Variants in TSPAN13 observed in about 807,000 individuals in gnomAD.
TSPAN13 encodes the protein tetraspanin 13, also known as tetraspanin-13.
Under a neutral mutation model 26.9 loss-of-function variants are expected in TSPAN13, and 18 were observed. The ratio of observed to expected loss-of-function variants is 0.67; its 90% CI spans 0.46 to 0.99. The LOEUF is 0.99. TSPAN13 is among the 50% of genes least tolerant of loss of function. TSPAN13 has a pLI of 0.00. For missense variants in TSPAN13, 201 were observed against 249.6 expected (o/e 0.81, Z 1.31); for synonymous variants, 116 against 98.4 (o/e 1.18, Z -1.06).
intron 1 of TSPAN13, among the ~76,000 whole-genome samples, chr7:16,761,123 C>T (rs1045440448): frequency 6.6e-6 from 1 of 152,172 alleles, no homozygotes; most frequent in Admixed American, 6.5e-5. Context: ...GTGGAGGTCC[C>T]TTACTTTCAA....
intron 1 of TSPAN13, among the ~76,000 whole-genome samples, chr7:16,765,059 T>G (rs1290410739): frequency 2.6e-5 from 4 of 152,052 alleles, no homozygotes; most frequent in African/African-American, 9.6e-5. Flanking sequence ...ATGCCCCACC[T>G]GTGCTGTAGC....
chr7:16,758,763 T>TA (rs1554273785), intron 1 of TSPAN13, among the ~76,000 whole-genome samples: 5 of 151,884 alleles, frequency 3.3e-5, no homozygotes, highest in Non-Finnish European at 5.9e-5. Flanking sequence ...TTTTTTTTTT[T>TA]ACATAATTGG....
At chr7:16,760,000 C>T (rs1477610248) in intron 1 of TSPAN13, among the ~76,000 whole-genome samples, 1 of 152,090 alleles carries the variant, frequency 6.6e-6, no homozygotes, top group Non-Finnish European at 1.5e-5. Context: ...AGGAGTATTG[C>T]TGGTTTATGC....
intron 1 of TSPAN13, among the ~76,000 whole-genome samples, chr7:16,760,492 T>C (rs1461673694): frequency 6.6e-6 from 1 of 152,110 alleles, no homozygotes; most frequent in Admixed American, 6.5e-5. Flanking sequence ...GAGCAGACTT[T>C]GGGATGAATG....
At chr7:16,761,743 C>T (rs550455024) in intron 1 of TSPAN13, among the ~76,000 whole-genome samples, 1 of 142,736 alleles carries the variant, frequency 7.0e-6, no homozygotes, top group East Asian at 2.0e-4. Context: ...CTGTGTTGCC[C>T]AGGTTGGTCT....
intron 5 of TSPAN13, among the ~76,000 whole-genome samples, chr7:16,779,858 G>A (rs967473018): frequency 2.0e-5 from 3 of 149,292 alleles, no homozygotes; most frequent in Non-Finnish European, 3.0e-5. Flanking sequence ...TGCAAGCTCC[G>A]CCTCCCGGGT....
Position 16,772,717 on chromosome 7 carries a change from C to T in TSPAN13, c.64-3494C>T, listed in dbSNP as rs111405835. Among the ~76,000 whole-genome samples, 1,467 of 152,228 alleles carry T rather than the reference C, an allele frequency of 9.6e-3. 16 individuals are homozygous for T. Among genetic ancestry groups the T allele is most frequent in the Admixed American group, 0.035 (531 of 15,292 alleles). On this transcript the variant is annotated intron_variant, in intron 1 of 5. Transcript: ENST00000262067. Reference sequence around the variant, plus strand: ...ACATAAGATAATGTTTATCCTTGGCCGGGCGCGGTGGCTCATGCCTGTAAT... The same window carrying T: ...ACATAAGATAATGTTTATCCTTGGCTGGGCGCGGTGGCTCATGCCTGTAAT...
rs1463756010 is a variant in TSPAN13, at chr7:16,776,079, A to G, written c.64-132A>G. ...AGATCTTGTGTGTATTCTTGTATTA[A>G]GTTTTAGTGCTTATTTGTAAGAGAC... is the stretch of plus-strand genomic sequence containing the variant. On this transcript the variant is annotated intron_variant, in intron 1 of 5. Transcript: ENST00000262067. 2.0e-5 allele frequency: 15 copies of G among 731,846 alleles called. 1 individual carries two copies. In the East Asian group the frequency reaches 4.2e-4, roughly 20 times the overall value. 45.3% of individuals were successfully genotyped at this position (731,846 alleles called of 1,614,324 possible). A position where few individuals can be genotyped will look rare whatever the true frequency, so the allele number is the denominator to read the frequency against.
intron 5 of TSPAN13, among the ~76,000 whole-genome samples, chr7:16,779,903 C>G (rs1784795813): frequency 6.6e-6 from 1 of 151,594 alleles, no homozygotes; most frequent in Non-Finnish European, 1.5e-5. Context: ...TCCTGAGTAG[C>G]TGGGACTACA....
At chr7:16,764,639 T>C (rs1347962829) in intron 1 of TSPAN13, among the ~76,000 whole-genome samples, 1 of 152,172 alleles carries the variant, frequency 6.6e-6, no homozygotes, top group African/African-American at 2.4e-5. Context: ...AACACATCAC[T>C]GTGTGACCAA....
At chr7:16,778,822 T>C (rs910269509) in intron 4 of TSPAN13, among the ~76,000 whole-genome samples, 181 bp from the exon 5 acceptor site, 48 of 152,164 alleles carry the variant, frequency 3.2e-4, no homozygotes, top group African/African-American at 8.9e-4. Flanking sequence ...ATAGGGTGTG[T>C]ACACCATTGA....
chr7:16,769,598 A>T (rs1003108531), intron 1 of TSPAN13, among the ~76,000 whole-genome samples: 9 of 152,162 alleles, frequency 5.9e-5, no homozygotes, highest in Admixed American at 5.9e-4. Flanking sequence ...TTGGTGCATC[A>T]GCATGTTGTT....
chr7:16,763,951 G>T (rs1272768908), intron 1 of TSPAN13, among the ~76,000 whole-genome samples: 2 of 152,146 alleles, frequency 1.3e-5, no homozygotes, highest in African/African-American at 4.8e-5. Context: ...TAGTGTAGTG[G>T]TTTAATATTT....
chr7:16,756,319 T>G (rs1406252035), intron 1 of TSPAN13, among the ~76,000 whole-genome samples: 2 of 152,232 alleles, frequency 1.3e-5, no homozygotes, highest in African/African-American at 2.4e-5. Flanking sequence ...AATCCCACCC[T>G]GGTCACTGCC....
chr7:16,758,533 T>G (rs970354993), intron 1 of TSPAN13, among the ~76,000 whole-genome samples: 2 of 152,232 alleles, frequency 1.3e-5, no homozygotes, highest in African/African-American at 2.4e-5. Context: ...AGACTTGGCT[T>G]CTTCTTTCCA....
intron 1 of TSPAN13, among the ~76,000 whole-genome samples, chr7:16,767,664 G>A (rs538136689): frequency 6.6e-6 from 1 of 152,118 alleles, no homozygotes; most frequent in South Asian, 2.1e-4. Flanking sequence ...ATTCCTACTT[G>A]TACACAAGTT....
At chr7:16,775,944 C>A (rs1036907827) in intron 1 of TSPAN13, 4 of 348,014 alleles carry the variant, frequency 1.1e-5, no homozygotes, top group Non-Finnish European at 2.1e-5. Flanking sequence ...AAACAGATGA[C>A]TTCTGAGGCT....
At chr7:16,755,240 G>T (rs1283715189) in intron 1 of TSPAN13, among the ~76,000 whole-genome samples, 2 of 152,204 alleles carry the variant, frequency 1.3e-5, no homozygotes, top group Non-Finnish European at 2.9e-5. Context: ...CTGCCTTGTG[G>T]TCACCAACAG....
intron 1 of TSPAN13, among the ~76,000 whole-genome samples, chr7:16,760,194 G>A (rs1410736948): frequency 6.6e-6 from 1 of 152,150 alleles, no homozygotes; most frequent in Non-Finnish European, 1.5e-5. Context: ...TGATTTTTAT[G>A]TAAAAGGCTA....
Sources: allele counts gnomAD v4.1 joint callset (sites outside exome capture counted in the v4.1 genomes callset), GRCh38; gene constraint gnomAD v4.1.1; transcripts MANE v1.5; gene names NCBI Gene and HGNC (gene_info 2026-07-23, HGNC 2026-07-21).